KIAA1217: variants seen among roughly 807,000 people sequenced by gnomAD.
KIAA1217 encodes KIAA1217, also known as sickle tail protein homolog.
KIAA1217 carries 88 observed loss-of-function variants against 163.9 expected under a neutral mutation model. The observed-to-expected ratio is 0.54, with a 90% CI of 0.45 to 0.64. The LOEUF (loss-of-function observed/expected upper bound fraction) is 0.64, where lower values mean the gene tolerates loss of function less well. KIAA1217 is among the 30% of genes least tolerant of loss of function. KIAA1217 has a pLI of 0.00. For synonymous variants in KIAA1217, 903 were observed against 923.1 expected, an observed-to-expected ratio of 0.98 and a Z score of 0.39; for missense variants, 2,372 against 2,475.0, an observed-to-expected ratio of 0.96 and a Z score of 0.88.
intron 2 of KIAA1217, among the ~76,000 whole-genome samples, chr10:24,264,198 C>T (rs1030335210): frequency 1.2e-4 from 19 of 152,070 alleles, no homozygotes; most frequent in Non-Finnish European, 1.5e-5. Flanking sequence ...TACAGCGGGA[C>T]TTTTCTTTCT....
intron 2 of KIAA1217, among the ~76,000 whole-genome samples, chr10:24,108,453 T>C (rs2062715013): frequency 6.6e-6 from 1 of 152,196 alleles, no homozygotes; most frequent in African/African-American, 2.4e-5. Context: ...TCACAAAATA[T>C]ATCTTGGAAT....
intron 5 of KIAA1217, among the ~76,000 whole-genome samples, chr10:24,448,146 T>G (rs556348286): frequency 9.2e-5 from 14 of 152,108 alleles, no homozygotes; most frequent in Non-Finnish European, 1.8e-4. Context: ...AAGAAGTTAA[T>G]AACCCTGAAG....
chr10:23,839,977 C>T (rs1216912343), intron 1 of KIAA1217, among the ~76,000 whole-genome samples: 1 of 151,994 alleles, frequency 6.6e-6, no homozygotes, highest in Non-Finnish European at 1.5e-5. Context: ...GAACACAGCT[C>T]CTATATTAGG....
At chr10:24,252,650 T>A (rs535672255) in intron 2 of KIAA1217, among the ~76,000 whole-genome samples, 103 of 151,922 alleles carry the variant, frequency 6.8e-4, no homozygotes, top group African/African-American at 2.4e-3. Context: ...AAAAAAAAAA[T>A]AACCATTCAT....
chr10:24,250,252 T>C (rs1389938371), intron 2 of KIAA1217, among the ~76,000 whole-genome samples: 3 of 152,118 alleles, frequency 2.0e-5, no homozygotes, highest in Non-Finnish European at 4.4e-5. Context: ...CTGTACTCTC[T>C]GAACAGAGCC....
intron 3 of KIAA1217, among the ~76,000 whole-genome samples, chr10:24,389,830 T>C (rs1015671341): frequency 6.6e-6 from 1 of 152,190 alleles, no homozygotes; most frequent in African/African-American, 2.4e-5. Context: ...TGTTTTGTTT[T>C]GTTTTTTTTC....
intron 2 of KIAA1217, among the ~76,000 whole-genome samples, chr10:24,070,612 G>C (rs948010442): frequency 2.0e-5 from 3 of 152,232 alleles, no homozygotes; most frequent in African/African-American, 7.2e-5. Context: ...ACCATATCTT[G>C]CTTCTTGAAG....
chr10:23,761,748 G>A (rs193117439), intron 1 of KIAA1217, among the ~76,000 whole-genome samples: 37 of 152,238 alleles, frequency 2.4e-4, no homozygotes, highest in African/African-American at 8.9e-4. Flanking sequence ...GGGGTACAGA[G>A]TTCTGCAGAC....
intron 2 of KIAA1217, among the ~76,000 whole-genome samples, chr10:24,175,963 G>A (rs915727257): frequency 2.0e-5 from 3 of 152,152 alleles, no homozygotes; most frequent in African/African-American, 7.2e-5. Context: ...TTATTGCAAA[G>A]GGAGAAAGAA....
chr10:24,460,283 A>G (rs1019376341), intron 5 of KIAA1217, among the ~76,000 whole-genome samples: 1 of 152,218 alleles, frequency 6.6e-6, no homozygotes, highest in African/African-American at 2.4e-5. Context: ...AATGGCATCA[A>G]TTCCTAGCCT....
intron 1 of KIAA1217, among the ~76,000 whole-genome samples, chr10:23,963,088 A>G (rs1458592881): frequency 6.6e-6 from 1 of 152,210 alleles, no homozygotes; most frequent in Non-Finnish European, 1.5e-5. Context: ...TACAAAAATA[A>G]TGGTTTCATA....
rs77247407 is a variant in KIAA1217, at chr10:23,802,618, G to A, written c.-321+107384G>A. ...GTTGACCTAAAGCTATCCTTTCTGT[G>A]CTTCTCAATAGAAATGCCAGTTATC... On this transcript the variant is annotated intron_variant, in intron 1 of 18. Transcript: ENST00000376462. Among the ~76,000 whole-genome samples, 177 of 152,290 alleles carry A rather than the reference G, an allele frequency of 1.2e-3. 12 individuals carry two copies. In the East Asian group the frequency reaches 0.027, roughly 24 times the overall value.
chr10:24,364,035 A>G (rs561069616), intron 2 of KIAA1217, among the ~76,000 whole-genome samples: 245 of 151,272 alleles, frequency 1.6e-3, no homozygotes, highest in African/African-American at 5.8e-3. Context: ...CTAGGGTGCA[A>G]TGGCGCAGTC....
Position 24,452,878 on chromosome 10 carries a change from T to A in KIAA1217, c.846+14399T>A, listed in dbSNP as rs147178928. Among the ~76,000 whole-genome samples the A allele has an allele frequency of 3.1e-3, 469 of 152,296 alleles. 3 individuals carry two copies. Among genetic ancestry groups the A allele is most frequent in the African/African-American group, 0.011 (445 of 41,574 alleles). On this transcript the variant is annotated intron_variant, in intron 5 of 20. Coordinates refer to ENST00000376454, the MANE Select transcript of KIAA1217 (RefSeq NM_019590.5). ...GATGCGATTATTACACATTGCATGC[T>A]GTATCAAAATATCTCATGTAACCCA...
At chr10:24,536,734 C>T (rs753431905) in intron 16 of KIAA1217, 40 bp from the exon 17 acceptor site, 1 of 1,605,160 alleles carries the variant, frequency 6.2e-7, no homozygotes, top group African/African-American at 1.3e-5. Flanking sequence ...CTCCTCAGTA[C>T]CCTTGGATCC....
At chr10:24,157,876 A>T (rs1039770013) in intron 2 of KIAA1217, 1 of 624,690 alleles carries the variant, frequency 1.6e-6, no homozygotes. Flanking sequence ...CTGCATTAGG[A>T]TCTGAACCAA....
chr10:24,267,969 G>A (rs906200944), intron 2 of KIAA1217, among the ~76,000 whole-genome samples: 4 of 152,152 alleles, frequency 2.6e-5, no homozygotes, highest in African/African-American at 9.7e-5. Flanking sequence ...TGTGCCTTCT[G>A]ATGACCCTGT....
At chr10:24,298,515 G>A (rs993165212) in intron 2 of KIAA1217, among the ~76,000 whole-genome samples, 10 of 152,076 alleles carry the variant, frequency 6.6e-5, no homozygotes, top group Non-Finnish European at 1.5e-4. Flanking sequence ...TAGGAGTAGC[G>A]AGCCGGGCGC....
intron 2 of KIAA1217, among the ~76,000 whole-genome samples, chr10:24,319,606 C>T (rs1215076061): frequency 6.6e-6 from 1 of 152,114 alleles, no homozygotes; most frequent in Non-Finnish European, 1.5e-5. Context: ...GCACGTAGAG[C>T]AAGAGGTAGA....
Sources: allele counts gnomAD v4.1 joint callset (sites outside exome capture counted in the v4.1 genomes callset), GRCh38; gene constraint gnomAD v4.1.1; transcripts MANE v1.5; gene names NCBI Gene and HGNC (gene_info 2026-07-23, HGNC 2026-07-21).